The following PDCD1LG2 variants were observed in gnomAD, a reference collection of about 807,000 sequenced individuals.
PDCD1LG2 encodes programmed cell death 1 ligand 2.
In PDCD1LG2, 32 loss-of-function variants were observed where a neutral mutation model predicts 28.2. The ratio of observed to expected loss-of-function variants is 1.13; its 90% confidence interval spans 0.86 to 1.52. The LOEUF is 1.52. Ranked by LOEUF, PDCD1LG2 falls within the 40% of genes most tolerant of loss-of-function variation. The pLI, the probability that PDCD1LG2 is intolerant of heterozygous loss-of-function variation, is 0.00. For missense variants in PDCD1LG2, 385 were observed against 323.8 expected (o/e 1.19, Z -1.45); for synonymous variants, 116 against 120.2 (o/e 0.97, Z 0.23).
At chr9:5,541,751 T>A (rs1366669994) in intron 3 of PDCD1LG2, among the ~76,000 whole-genome samples, 2 of 151,976 alleles carry the variant, frequency 1.3e-5, no homozygotes, top group Non-Finnish European at 2.9e-5. Context: ...CTTTGTAGAT[T>A]GCAAAAGCAA....
At chr9:5,535,095 CA>C (rs1427004953) in intron 3 of PDCD1LG2, 45 bp downstream of exon 3, 1 of 1,498,372 alleles carries the variant, frequency 6.7e-7, no homozygotes, top group African/African-American at 1.4e-5. Flanking sequence ...ATCTCTCCAA[CA>C]GAGGATCTGC....
chr9:5,535,443 G>T (rs1820561948), intron 3 of PDCD1LG2, among the ~76,000 whole-genome samples: 2 of 152,058 alleles, frequency 1.3e-5, no homozygotes, highest in Non-Finnish European at 2.9e-5. Flanking sequence ...ACCATGGTTT[G>T]CCGCCCATTC....
At chr9:5,540,727 T>A (rs1029369178) in intron 3 of PDCD1LG2, among the ~76,000 whole-genome samples, 2 of 152,018 alleles carry the variant, frequency 1.3e-5, no homozygotes, top group African/African-American at 4.8e-5. Flanking sequence ...CTTTTAAAAT[T>A]GTCAACAAAA....
chr9:5,555,943 A>G (rs2129911442), intron 4 of PDCD1LG2, among the ~76,000 whole-genome samples: 1 of 152,370 alleles, frequency 6.6e-6, no homozygotes, highest in East Asian at 1.9e-4. Context: ...GCAGTATACC[A>G]CAAGGTAACA....
intron 2 of PDCD1LG2, among the ~76,000 whole-genome samples, chr9:5,524,009 G>A (rs556181187): frequency 9.2e-5 from 14 of 152,174 alleles, no homozygotes; most frequent in Non-Finnish European, 1.9e-4. Context: ...AATGAAGATA[G>A]GCACTAGCTC....
At chr9:5,547,504 A>G (rs1216246664) in intron 3 of PDCD1LG2, among the ~76,000 whole-genome samples, 3 of 152,196 alleles carry the variant, frequency 2.0e-5, no homozygotes, top group Admixed American at 2.0e-4. Context: ...CTCTTGGAAT[A>G]TCATGCCTAT....
chr9:5,532,098 T>A (rs1411500448), intron 2 of PDCD1LG2, among the ~76,000 whole-genome samples: 1 of 152,166 alleles, frequency 6.6e-6, no homozygotes, highest in Non-Finnish European at 1.5e-5. Context: ...TGCAGTGGAT[T>A]AAAATAAAAG....
intron 4 of PDCD1LG2, among the ~76,000 whole-genome samples, chr9:5,553,190 T>G (rs911069592): frequency 2.1e-4 from 32 of 152,286 alleles, no homozygotes; most frequent in African/African-American, 7.2e-4. Flanking sequence ...CCATCAATTT[T>G]AGGACCAACT....
At chr9:5,518,513 T>C (rs988997634) in intron 1 of PDCD1LG2, among the ~76,000 whole-genome samples, 6 of 152,226 alleles carry the variant, frequency 3.9e-5, no homozygotes, top group African/African-American at 7.2e-5. Flanking sequence ...CAGCTTAAGA[T>C]GATACCTTTC....
chr9:5,538,862 T>G (rs564076251), intron 3 of PDCD1LG2, among the ~76,000 whole-genome samples: 1 of 152,240 alleles, frequency 6.6e-6, no homozygotes, highest in East Asian at 1.9e-4. Context: ...TTGACAATAA[T>G]TGTACTTATT....
intron 1 of PDCD1LG2, among the ~76,000 whole-genome samples, chr9:5,521,314 C>A (rs1351660842): frequency 6.6e-6 from 1 of 152,062 alleles, no homozygotes; most frequent in East Asian, 1.9e-4. Context: ...TTGCACAACT[C>A]CGTGAACATA....
At chr9:5,558,394 T>A (rs185281386) in intron 5 of PDCD1LG2, among the ~76,000 whole-genome samples, 2 of 152,146 alleles carry the variant, frequency 1.3e-5, no homozygotes, top group Non-Finnish European at 2.9e-5. Context: ...CCTGATTTCA[T>A]TGCTTCATTG....
rs1052108894 is a variant in PDCD1LG2, at chr9:5,542,220, T to G, written c.362-7115T>G. ...GACTTAAATCTAAGACCTGAAACCA[T>G]AACGATTCTAGAAGATAACATCGAA... is the stretch of plus-strand genomic sequence containing the variant. On this transcript the variant is annotated intron_variant, in intron 3 of 6. Coordinates refer to ENST00000397747, the MANE Select transcript of PDCD1LG2 (RefSeq NM_025239.4). Among the ~76,000 whole-genome samples the G allele has an allele frequency of 2.6e-5, 4 of 152,140 alleles. No individual in the cohort carries two copies. The East Asian group carries it at 7.7e-4, about 29-fold the overall frequency.
rs573648664 is a variant in PDCD1LG2, at chr9:5,564,836, T to C, written c.816+1625T>C. On this transcript the variant is annotated intron_variant, in intron 6 of 6. Transcript: ENST00000397747. The stretch of plus-strand genomic sequence containing the variant: ...TCTGTGGCTTTGCTCATGTTGGTTA[T>C]TTTTTTGGAGTGTCCTCCCTATTCC... Among the ~76,000 whole-genome samples, 9 of 152,340 alleles carry C rather than the reference T, an allele frequency of 5.9e-5. No individual in the cohort carries two copies. The East Asian group carries it at 1.7e-3, about 29-fold the overall frequency.
chr9:5,535,072 A>T (rs371300094), intron 3 of PDCD1LG2, 22 bp downstream of exon 3: 3 of 1,564,712 alleles, frequency 1.9e-6, no homozygotes, highest in Non-Finnish European at 2.6e-6. Context: ...CAAGGACTAG[A>T]ATCCATGGAA....
At chr9:5,520,438 C>T (rs939775629) in intron 1 of PDCD1LG2, among the ~76,000 whole-genome samples, 2 of 152,132 alleles carry the variant, frequency 1.3e-5, no homozygotes, top group Non-Finnish European at 2.9e-5. Context: ...GTTCTTGATC[C>T]ATTTTGTTTA....
chr9:5,557,786 C>G (rs1391499932), intron 5 of PDCD1LG2, 34 bp downstream of exon 5: 2 of 1,610,302 alleles, frequency 1.2e-6, no homozygotes, highest in African/African-American at 2.7e-5. Context: ...ACCCAATGCA[C>G]TGGGTGTCTG....
intron 3 of PDCD1LG2, among the ~76,000 whole-genome samples, chr9:5,548,732 A>G (rs950534356): frequency 2.0e-5 from 3 of 152,224 alleles, no homozygotes; most frequent in Non-Finnish European, 2.9e-5. Context: ...AGAAGTGCAG[A>G]ATAAATATAC....
In PDCD1LG2 at chr9:5,525,292, C is replaced by A. The variant is rs377613340; in HGVS notation, c.55+2691C>A. On this transcript the variant is annotated intron_variant, in intron 2 of 6. Coordinates refer to ENST00000397747, the MANE Select transcript of PDCD1LG2 (RefSeq NM_025239.4). ...CCCAGGAGGCAGAGGTTGCAGTGAG[C>A]TAAGATCATGTCACTGTATTCCAGC... 8.7e-5 allele frequency among the ~76,000 whole-genome samples: 13 copies of A among 149,758 alleles called. No homozygotes were observed. In the East Asian group the frequency reaches 2.4e-3, roughly 27 times the overall value.
Sources: allele counts gnomAD v4.1 joint callset (sites outside exome capture counted in the v4.1 genomes callset), GRCh38; gene constraint gnomAD v4.1.1; transcripts MANE v1.5; gene names NCBI Gene and HGNC (gene_info 2026-07-23, HGNC 2026-07-21).